Variants in PRRX1 observed in about 807,000 individuals in gnomAD.
The protein encoded by PRRX1 is paired related homeobox 1.
Under a neutral mutation model 24.0 loss-of-function variants are expected in PRRX1, and 8 were observed. That is an observed-to-expected ratio of 0.33 (90% confidence interval 0.20 to 0.60). The LOEUF (loss-of-function observed/expected upper bound fraction) is 0.60. Ranked by LOEUF, PRRX1 falls within the 20% of genes least tolerant of loss-of-function variation. The pLI is 0.82. For missense variants in PRRX1, 281 were observed against 322.4 expected (o/e 0.87, Z 0.98); for synonymous variants, 160 against 131.7 (o/e 1.22, Z -1.47).
chr1:170,670,370 G>A (rs1437545259), intron 1 of PRRX1, among the ~76,000 whole-genome samples: 1 of 152,194 alleles, frequency 6.6e-6, no homozygotes, highest in Non-Finnish European at 1.5e-5. Context: ...GTCTCAAACA[G>A]CAATAATAAT....
chr1:170,706,238 C>T (rs1654563876), intron 1 of PRRX1, among the ~76,000 whole-genome samples: 1 of 152,030 alleles, frequency 6.6e-6, no homozygotes, highest in Non-Finnish European at 1.5e-5. Context: ...GAATGTATAT[C>T]CATGGAATTA....
chr1:170,687,330 C>G lies in PRRX1; in HGVS notation c.241+22871C>G, dbSNP rs564464821. 5.9e-5 allele frequency among the ~76,000 whole-genome samples: 9 copies of G among 152,290 alleles called. 1 individual carries two copies. In the South Asian group the frequency reaches 1.7e-3, roughly 28 times the overall value. On this transcript the variant is annotated intron_variant, in intron 1 of 3. Transcript: ENST00000239461. ...GGCATTTATTGAAACTAAACAAGAA[C>G]TCTTGGCCTACAAGTCTCCTTCTCT...
chr1:170,664,699 A>G (rs546896164), intron 1 of PRRX1, among the ~76,000 whole-genome samples: 2 of 152,364 alleles, frequency 1.3e-5, no homozygotes, highest in East Asian at 3.9e-4. Context: ...GGACACTCCG[A>G]GGCCCTGCGG....
chr1:170,677,140 A>T (rs796236249), intron 1 of PRRX1, among the ~76,000 whole-genome samples: 79 of 152,324 alleles, frequency 5.2e-4, no homozygotes, highest in Middle Eastern at 3.4e-3. Flanking sequence ...TTAGATTTAG[A>T]CACGTTAGGA....
At chr1:170,699,312 T>A (rs1368085146) in intron 1 of PRRX1, among the ~76,000 whole-genome samples, 4 of 152,136 alleles carry the variant, frequency 2.6e-5, no homozygotes, top group African/African-American at 9.7e-5. Flanking sequence ...GATTTTTATT[T>A]ATTTTACTTT....
chr1:170,699,705 G>C (rs560144842), intron 1 of PRRX1, among the ~76,000 whole-genome samples: 1 of 152,204 alleles, frequency 6.6e-6, no homozygotes, highest in East Asian at 1.9e-4. Flanking sequence ...CAACACAAAA[G>C]TGCACCGAGA....
rs541280062 is a variant in PRRX1, at chr1:170,709,007, T to A, written c.242-10719T>A. On this transcript the variant is annotated intron_variant, in intron 1 of 3. Transcript: ENST00000239461. ...GAGTCTAACATATTAATTTAATAAT[T>A]CTAAGAGAAGTACCCAAAATATGGA... Among the ~76,000 whole-genome samples the A allele has an allele frequency of 5.0e-3, 762 of 152,282 alleles. 5 individuals are homozygous for A. Among genetic ancestry groups the A allele is most frequent in the Non-Finnish European group, 7.3e-3 (499 of 68,026 alleles).
intron 1 of PRRX1, among the ~76,000 whole-genome samples, chr1:170,709,960 CTCTT>C (rs1392455477): frequency 6.6e-6 from 1 of 152,130 alleles, no homozygotes; most frequent in African/African-American, 2.4e-5. Flanking sequence ...GATAGAATAA[CTCTT>C]TATAGTTATT....
chr1:170,686,206 T>A (rs1653732311), intron 1 of PRRX1, among the ~76,000 whole-genome samples: 1 of 148,668 alleles, frequency 6.7e-6, no homozygotes. Context: ...CAAGTTGCTA[T>A]TTACGTTTCA....
At chr1:170,705,944 A>G (rs1198430685) in intron 1 of PRRX1, among the ~76,000 whole-genome samples, 1 of 141,480 alleles carries the variant, frequency 7.1e-6, no homozygotes, top group Non-Finnish European at 1.5e-5. Context: ...ATACACACAC[A>G]CACACACACA....
intron 1 of PRRX1, among the ~76,000 whole-genome samples, chr1:170,712,873 G>C (rs1202677044): frequency 6.6e-6 from 1 of 152,152 alleles, no homozygotes; most frequent in East Asian, 1.9e-4. Context: ...ATTATAGCTA[G>C]TTGGGTCTGA....
chr1:170,685,001 T>G (rs1404807339), intron 1 of PRRX1, among the ~76,000 whole-genome samples: 1 of 152,192 alleles, frequency 6.6e-6, no homozygotes, highest in Non-Finnish European at 1.5e-5. Context: ...CTAGACTTCA[T>G]GTAAACTGAA....
chr1:170,692,658 A>T (rs1654030634), intron 1 of PRRX1, among the ~76,000 whole-genome samples: 2 of 150,636 alleles, frequency 1.3e-5, no homozygotes, highest in Admixed American at 1.3e-4. Context: ...AAATGGGTCA[A>T]ATAGAGAATC....
At chr1:170,668,448 G>T (rs547765189) in intron 1 of PRRX1, 3 of 152,208 alleles carry the variant, frequency 2.0e-5, no homozygotes, top group Admixed American at 2.0e-4. Context: ...AATTAGACAC[G>T]CGCGCACACA....
chr1:170,710,742 A>T (rs1262133139), intron 1 of PRRX1, among the ~76,000 whole-genome samples: 1 of 152,180 alleles, frequency 6.6e-6, no homozygotes, highest in Admixed American at 6.5e-5. Context: ...ATAAGAAGAG[A>T]CCAGGAAGCT....
At chr1:170,721,044 A>G (rs997051429) in intron 2 of PRRX1, among the ~76,000 whole-genome samples, 1 of 152,234 alleles carries the variant, frequency 6.6e-6, no homozygotes, top group African/African-American at 2.4e-5. Context: ...ATTTTGCACA[A>G]CATCACATAG....
At chr1:170,665,638 AAAGAATAGAC>A (rs1652896640) in intron 1 of PRRX1, among the ~76,000 whole-genome samples, 1 of 152,244 alleles carries the variant, frequency 6.6e-6, no homozygotes, top group Admixed American at 6.5e-5. Flanking sequence ...TCAGACTCTC[AAAGAATAGAC>A]ATACAAATCA....
intron 3 of PRRX1, among the ~76,000 whole-genome samples, chr1:170,735,507 CAT>C (rs1211049011): frequency 6.6e-6 from 1 of 152,104 alleles, no homozygotes; most frequent in African/African-American, 2.4e-5. Flanking sequence ...TGGCAGAGAA[CAT>C]ATGTTAGGTT....
At chr1:170,731,607 A>G (rs1396263676) in intron 3 of PRRX1, among the ~76,000 whole-genome samples, 2 of 151,936 alleles carry the variant, frequency 1.3e-5, no homozygotes, top group African/African-American at 4.9e-5. Flanking sequence ...TACTTCCTCA[A>G]TGTTTGACAA....
Sources: allele counts gnomAD v4.1 joint callset (sites outside exome capture counted in the v4.1 genomes callset), GRCh38; gene constraint gnomAD v4.1.1; transcripts MANE v1.5; gene names NCBI Gene and HGNC (gene_info 2026-07-23, HGNC 2026-07-21).